PPP6R2: variants seen among roughly 807,000 people sequenced by gnomAD.
The protein encoded by PPP6R2 is protein phosphatase 6 regulatory subunit 2.
PPP6R2 carries 62 observed loss-of-function variants against 100.2 expected under a neutral mutation model. That is an observed-to-expected ratio of 0.62 (90% confidence interval 0.50 to 0.76). The LOEUF (loss-of-function observed/expected upper bound fraction) is 0.76. PPP6R2 is among the 30% of genes least tolerant of loss of function. The pLI, the probability that PPP6R2 is intolerant of heterozygous loss-of-function variation, is 0.00. For synonymous variants in PPP6R2, 525 were observed against 514.7 expected (o/e 1.02, Z -0.27); for missense variants, 1,142 against 1,276.3 (o/e 0.89, Z 1.60).
At chr22:50,424,636 T>C (rs1265722358) in intron 10 of PPP6R2, among the ~76,000 whole-genome samples, 2 of 118,594 alleles carry the variant, frequency 1.7e-5, no homozygotes, top group African/African-American at 8.3e-5. Flanking sequence ...TCTTCTTCTT[T>C]TTTTTTTTTT....
chr22:50,353,658 A>G (rs1602123668), intron 1 of PPP6R2, among the ~76,000 whole-genome samples: 1 of 152,160 alleles, frequency 6.6e-6, no homozygotes, highest in Admixed American at 6.6e-5. Flanking sequence ...TTTAATTTGT[A>G]GAAAGCACAT....
At chr22:50,414,957 G>C (rs573183788) in intron 5 of PPP6R2, among the ~76,000 whole-genome samples, 1 of 152,356 alleles carries the variant, frequency 6.6e-6, no homozygotes. Flanking sequence ...AGGCCGAAAT[G>C]GACTTTCCTC....
intron 1 of PPP6R2, among the ~76,000 whole-genome samples, chr22:50,355,979 T>C (rs75931147): frequency 6.6e-6 from 1 of 151,682 alleles, no homozygotes; most frequent in African/African-American, 2.4e-5. Flanking sequence ...TTTTTTTTTT[T>C]TGAGACGGAG....
chr22:50,349,195 CAAAAAAA>C (rs892504600), intron 1 of PPP6R2, among the ~76,000 whole-genome samples: 5 of 61,676 alleles, frequency 8.1e-5, no homozygotes, highest in African/African-American at 2.0e-4. Context: ...GACTTCCTCT[CAAAAAAA>C]AAAAAAAAAA....
chr22:50,338,062 GGTGTGTGTGGTGTGTGTGATGTGTA>G, the PPP6R2 span, among the ~76,000 whole-genome samples: 3 of 142,968 alleles, frequency 2.1e-5, no homozygotes, highest in African/African-American at 5.5e-5. Context: ...TGATGTGTGT[GGTGTGTGTGGTGTGTGTGATGTGTA>G]GTGTGTGTGG....
chr22:50,378,331 A>T (rs566427295), intron 2 of PPP6R2, among the ~76,000 whole-genome samples: 28 of 152,332 alleles, frequency 1.8e-4, no homozygotes, highest in African/African-American at 6.7e-4. Context: ...GTCACCCTGT[A>T]ATCCCAGCAC....
Position 50,419,425 on chromosome 22 carries a change from C to G in PPP6R2, c.808C>G (p.Gln270Glu). ...GGAGAGCTGCCTCGTCAGTGGGACT[C>G]AGGTGTTACTCACCTTGCTGGAAAC... ...RTESCLVSGT[Q>E]VLLTLLETRR... is the part of the protein sequence containing the mutation. Residue 270 changes from glutamine to glutamate, a missense_variant, in exon 8 of 24, where the codon CAG becomes GAG. Coordinates refer to ENST00000612753, the MANE Select transcript of PPP6R2 (RefSeq NM_001242898.2). 9 of 1,614,178 alleles carry G rather than the reference C, an allele frequency of 5.6e-6. No homozygotes were observed. The highest frequency in any genetic ancestry group is 6.8e-6 in the Non-Finnish European group (8 of 1,180,038).
At chr22:50,354,939 C>T (rs1459406816) in intron 1 of PPP6R2, among the ~76,000 whole-genome samples, 2 of 148,650 alleles carry the variant, frequency 1.3e-5, no homozygotes, top group Non-Finnish European at 3.0e-5. Context: ...ACAGTCACAG[C>T]TCACCACAGC....
intron 2 of PPP6R2, among the ~76,000 whole-genome samples, chr22:50,391,594 C>T (rs567402049): frequency 4.6e-4 from 70 of 152,042 alleles, no homozygotes; most frequent in African/African-American, 1.6e-3. Flanking sequence ...GGCGAAACAC[C>T]ATCTTTAAAA....
At chr22:50,412,194 A>AT (rs1248293719) in intron 4 of PPP6R2, among the ~76,000 whole-genome samples, 13 of 151,584 alleles carry the variant, frequency 8.6e-5, no homozygotes, top group Admixed American at 8.6e-4. Flanking sequence ...AATAGAGGTT[A>AT]TTTTTTCTTT....
chr22:50,415,539 G>T (rs2060414885), intron 5 of PPP6R2, among the ~76,000 whole-genome samples: 1 of 152,242 alleles, frequency 6.6e-6, no homozygotes, highest in South Asian at 2.1e-4. Context: ...AGCCACGGGG[G>T]GACAGCTCAT....
chr22:50,418,603 G>A (rs564339229), intron 6 of PPP6R2, among the ~76,000 whole-genome samples: 4 of 152,022 alleles, frequency 2.6e-5, no homozygotes, highest in African/African-American at 7.2e-5. Context: ...AGCCAGGATG[G>A]TCTTGATCTC....
At chr22:50,398,961 A>G (rs1033105063) in intron 3 of PPP6R2, among the ~76,000 whole-genome samples, 2 of 152,190 alleles carry the variant, frequency 1.3e-5, no homozygotes, top group African/African-American at 4.8e-5. Flanking sequence ...GAGAAATAGA[A>G]TAGGGGCCGG....
Position 50,438,758 on chromosome 22 carries a change from A to G in PPP6R2, c.2124A>G (p.Ser708=). The change falls in exon 19 of 24, where the codon TCA becomes TCG. Residue 708 remains serine, a synonymous_variant. Coordinates refer to ENST00000612753, the MANE Select transcript of PPP6R2 (RefSeq NM_001242898.2). The part of the protein sequence containing the change: ...KKEAPPVEGD[S]EGAMWTAVFD... Reference sequence around the variant, plus strand: ...AAGCGCCCCCTGTGGAGGGTGACTCAGAAGGTGGTGCTGGGCGCCAGGGGC... The same window carrying G: ...AAGCGCCCCCTGTGGAGGGTGACTCGGAAGGTGGTGCTGGGCGCCAGGGGC... The G allele has an allele frequency of 6.3e-7, 1 of 1,594,854 alleles. No individual in the cohort carries two copies.
chr22:50,330,791 T>C, the PPP6R2 span, among the ~76,000 whole-genome samples: 3 of 143,034 alleles, frequency 2.1e-5, no homozygotes, highest in Non-Finnish European at 4.6e-5. Context: ...GAGAAGTCAA[T>C]GTGGTGCTGG....
chr22:50,444,130 A>T lies in PPP6R2; in HGVS notation c.2831+13A>T, dbSNP rs753687594. 3.7e-6 allele frequency: 6 copies of T among 1,611,592 alleles called. No individual in the cohort carries two copies. The highest frequency in any genetic ancestry group is 1.1e-5 in the South Asian group (1 of 91,046). On this transcript the variant is annotated intron_variant, in intron 23 of 23. Transcript: ENST00000612753. ...TGACAAAGGACGGGTGAGCAGGTTG[A>T]GTGTGGGGGTAGGGGGTGTGGACAG...
chr22:50,390,923 C>T (rs8139669), intron 2 of PPP6R2, among the ~76,000 whole-genome samples: 75 of 150,284 alleles, frequency 5.0e-4, no homozygotes, highest in African/African-American at 1.8e-3. Context: ...CGCTTGACCC[C>T]AGGAGGCGGA....
rs771396904 is a variant in PPP6R2, at chr22:50,440,922, T to C, written c.2475T>C (p.Asp825=). 9 of 1,613,520 alleles carry C rather than the reference T, an allele frequency of 5.6e-6. No individual in the cohort carries two copies. The highest frequency in any genetic ancestry group is 3.3e-5 in the Admixed American group (2 of 60,002). ...SSSSGGSHSE[D]GDQKAASAMD... ...CCTCTGGGGGCTCCCACAGCGAGGA[T>C]GGCGACCAGAAGGCAGCGAGTGCCA... The change falls in exon 22 of 24, where the codon GAT becomes GAC. Residue 825 remains aspartate, a synonymous_variant. Coordinates refer to ENST00000612753, the MANE Select transcript of PPP6R2 (RefSeq NM_001242898.2).
At chr22:50,390,938 G>T (rs1223238089) in intron 2 of PPP6R2, among the ~76,000 whole-genome samples, 1 of 151,374 alleles carries the variant, frequency 6.6e-6, no homozygotes, top group Non-Finnish European at 1.5e-5. Flanking sequence ...GGCGGAGATT[G>T]CAGTGAGCCG....
Sources: allele counts gnomAD v4.1 joint callset (sites outside exome capture counted in the v4.1 genomes callset), GRCh38; gene constraint gnomAD v4.1.1; transcripts MANE v1.5; gene names NCBI Gene and HGNC (gene_info 2026-07-23, HGNC 2026-07-21).